The following TEAD1 variants were observed in gnomAD, a reference collection of about 807,000 sequenced individuals.
TEAD1 encodes transcriptional enhancer factor TEF-1.
Under a neutral mutation model 54.9 loss-of-function variants are expected in TEAD1, and 9 were observed. That is an observed-to-expected ratio of 0.16 (90% CI 0.10 to 0.29). The LOEUF (loss-of-function observed/expected upper bound fraction) is 0.29, where lower values mean the gene tolerates loss of function less well. Ranked by LOEUF, TEAD1 falls within the 10% of genes least tolerant of loss-of-function variation. TEAD1 has a pLI of 1.00. For synonymous variants in TEAD1, 200 were observed against 187.8 expected (o/e 1.07, Z -0.53); for missense variants, 387 against 535.9 (o/e 0.72, Z 2.74).
At chr11:12,710,381 A>G (rs929243865) in intron 2 of TEAD1, among the ~76,000 whole-genome samples, 3 of 152,170 alleles carry the variant, frequency 2.0e-5, no homozygotes, top group Non-Finnish European at 4.4e-5. Flanking sequence ...AATGTGACAG[A>G]TATCATTGGG....
At chr11:12,863,202 A>G (rs1455377652) in intron 4 of TEAD1, among the ~76,000 whole-genome samples, 1 of 152,174 alleles carries the variant, frequency 6.6e-6, no homozygotes, top group Admixed American at 6.5e-5. Context: ...TTCTCTTCCC[A>G]GTGAGGAATT....
chr11:12,919,863 T>C (rs1249567322), intron 10 of TEAD1, among the ~76,000 whole-genome samples: 1 of 152,208 alleles, frequency 6.6e-6, no homozygotes, highest in Non-Finnish European at 1.5e-5. Flanking sequence ...TCTATATGCT[T>C]CAAATTAGCA....
intron 3 of TEAD1, among the ~76,000 whole-genome samples, chr11:12,857,459 G>A (rs149679817): frequency 3.9e-5 from 6 of 152,284 alleles, no homozygotes; most frequent in African/African-American, 1.4e-4. Context: ...AAGGAAGACG[G>A]TCCCCAGGTG....
In TEAD1 at chr11:12,944,699, G is replaced by A. The variant is rs1348174598; in HGVS notation, c.*7477G>A. On this transcript the variant is annotated 3_prime_UTR_variant, in exon 13 of 13. Transcript: ENST00000527636. ...CTTTCTAGAAACTTTGTATTCATACGGTATCAATGAAAAATAAAGAAAATG... is the reference window on the plus strand; with the variant it reads ...CTTTCTAGAAACTTTGTATTCATACAGTATCAATGAAAAATAAAGAAAATG... Among the ~76,000 whole-genome samples the A allele has an allele frequency of 2.0e-5, 3 of 152,058 alleles. No individual in the cohort carries two copies. Among genetic ancestry groups the A allele is most frequent in the Admixed American group, 1.3e-4 (2 of 15,258 alleles).
chr11:12,751,871 C>CT (rs1364630801), intron 2 of TEAD1, among the ~76,000 whole-genome samples: 2 of 152,182 alleles, frequency 1.3e-5, no homozygotes, highest in African/African-American at 4.8e-5. Flanking sequence ...TGAGCACTCT[C>CT]TGAGGGGCCT....
chr11:12,684,678 G>A (rs1210967695), intron 2 of TEAD1, among the ~76,000 whole-genome samples: 1 of 152,000 alleles, frequency 6.6e-6, no homozygotes, highest in Admixed American at 6.5e-5. Context: ...GTAAAGTTTA[G>A]ATTAGGTAAG....
chr11:12,800,864 T>C (rs1478545102), intron 3 of TEAD1, among the ~76,000 whole-genome samples: 2 of 152,240 alleles, frequency 1.3e-5, no homozygotes, highest in African/African-American at 4.8e-5. Flanking sequence ...GCTGTCTTTA[T>C]CTTAGGCACT....
At chr11:12,816,174 TATCA>T (rs1222123712) in intron 3 of TEAD1, among the ~76,000 whole-genome samples, 1 of 152,208 alleles carries the variant, frequency 6.6e-6, no homozygotes. Flanking sequence ...GGTGGCTTTT[TATCA>T]ATCCGATACT....
chr11:12,734,828 C>T (rs1281072255), intron 2 of TEAD1, among the ~76,000 whole-genome samples: 4 of 152,120 alleles, frequency 2.6e-5, no homozygotes, highest in Non-Finnish European at 4.4e-5. Context: ...TGTACGATGA[C>T]GAAATTGACT....
intron 2 of TEAD1, among the ~76,000 whole-genome samples, chr11:12,745,064 G>A (rs1028733248): frequency 3.9e-5 from 6 of 152,192 alleles, no homozygotes; most frequent in African/African-American, 1.4e-4. Flanking sequence ...GCATTGCTCT[G>A]CAGAGACATG....
chr11:12,829,200 G>C (rs10734204), intron 3 of TEAD1, among the ~76,000 whole-genome samples: 150,299 of 152,308 alleles, frequency 0.99, 74,195 homozygotes, highest in Middle Eastern at 1. Context: ...CCTAAAGAAG[G>C]TGCATGACAG....
chr11:12,765,339 G>A (rs1945185473), intron 3 of TEAD1, among the ~76,000 whole-genome samples: 1 of 152,128 alleles, frequency 6.6e-6, no homozygotes, highest in African/African-American at 2.4e-5. Flanking sequence ...CATTCTGCTT[G>A]TCTAATTGAG....
At chr11:12,839,959 A>C (rs1946989283) in intron 3 of TEAD1, among the ~76,000 whole-genome samples, 1 of 152,090 alleles carries the variant, frequency 6.6e-6, no homozygotes, top group Non-Finnish European at 1.5e-5. Flanking sequence ...TTAAGAGACC[A>C]GAAACGGGCC....
intron 5 of TEAD1, among the ~76,000 whole-genome samples, chr11:12,869,304 G>T (rs903756038): frequency 1.2e-4 from 19 of 152,266 alleles, no homozygotes; most frequent in African/African-American, 4.6e-4. Flanking sequence ...AGAGTCACAG[G>T]CTGGGACCAG....
At chr11:12,682,755 C>T (rs542574623) in intron 2 of TEAD1, among the ~76,000 whole-genome samples, 3 of 152,030 alleles carry the variant, frequency 2.0e-5, no homozygotes, top group South Asian at 2.1e-4. Flanking sequence ...TAATGAACAG[C>T]GATCAGTAAA....
At chr11:12,808,372 G>A (rs1946222630) in intron 3 of TEAD1, among the ~76,000 whole-genome samples, 1 of 152,112 alleles carries the variant, frequency 6.6e-6, no homozygotes, top group South Asian at 2.1e-4. Context: ...CTCTAGTGGG[G>A]CCCCAAATGC....
chr11:12,742,673 A>G (rs1944670587), intron 2 of TEAD1, among the ~76,000 whole-genome samples: 1 of 152,250 alleles, frequency 6.6e-6, no homozygotes, highest in Non-Finnish European at 1.5e-5. Context: ...GTATGGAAAT[A>G]TCACATTGTA....
chr11:12,683,520 C>G (rs1472125017), intron 2 of TEAD1, among the ~76,000 whole-genome samples: 2 of 152,010 alleles, frequency 1.3e-5, no homozygotes, highest in Non-Finnish European at 2.9e-5. Flanking sequence ...CTGTGTTGCC[C>G]TGTGGTAGGA....
At chr11:12,807,602 A>C (rs1387436166) in intron 3 of TEAD1, among the ~76,000 whole-genome samples, 1 of 152,260 alleles carries the variant, frequency 6.6e-6, no homozygotes, top group East Asian at 1.9e-4. Flanking sequence ...CATAGTTAAC[A>C]TTCAATAAAT....
Sources: allele counts gnomAD v4.1 joint callset (sites outside exome capture counted in the v4.1 genomes callset), GRCh38; gene constraint gnomAD v4.1.1; transcripts MANE v1.5; gene names NCBI Gene and HGNC (gene_info 2026-07-23, HGNC 2026-07-21).